OR52I2: variants seen among roughly 807,000 people sequenced by gnomAD.
The protein encoded by OR52I2 is olfactory receptor 52I2.
For synonymous variants in OR52I2, 147 were observed against 151.9 expected (o/e 0.97, Z 0.24); for missense variants, 350 against 402.4 (o/e 0.87, Z 1.11).
intron 1 of OR52I2, among the ~76,000 whole-genome samples, chr11:4,582,248 A>C (rs1365533166): frequency 6.6e-6 from 1 of 152,100 alleles, no homozygotes; most frequent in East Asian, 1.9e-4. Context: ...CAGGGTTGTC[A>C]TAAAGGGAAA....
rs185616106 is a variant in OR52I2 at position 4,584,884 on chromosome 11, A to T, written c.-19-1988A>T. ...AGTGGTCTTCAAGTCACACACACCC[A>T]TTTAAGGATGCTACTTGCAGCAATC... On this transcript the variant is annotated intron_variant, in intron 1 of 1. Transcript: ENST00000641896. Among the ~76,000 whole-genome samples, 575 of 152,292 alleles carry T rather than the reference A, an allele frequency of 3.8e-3. 3 individuals are homozygous for T. Among genetic ancestry groups the T allele is most frequent in the African/African-American group, 0.013 (543 of 41,550 alleles).
At chr11:4,587,852 A>T (rs150568011) in exon 2 of OR52I2, 1 of 1,613,380 alleles carries the variant, frequency 6.2e-7, no homozygotes, top group African/African-American at 1.3e-5. Context: ...GACCATTCCA[A>T]CCTGGGTTCA....
chr11:4,584,836 T>G (rs1589842763), intron 1 of OR52I2, among the ~76,000 whole-genome samples: 1 of 152,326 alleles, frequency 6.6e-6, no homozygotes, highest in Middle Eastern at 3.4e-3. Context: ...CAATGTGGGT[T>G]GAGTGGCTTT....
At chr11:4,583,305 G>A (rs1846274214) in intron 1 of OR52I2, among the ~76,000 whole-genome samples, 1 of 152,096 alleles carries the variant, frequency 6.6e-6, no homozygotes. Flanking sequence ...AGGCATGAAA[G>A]GTATGCCCAG....
At chr11:4,585,536 C>T (rs997688684) in intron 1 of OR52I2, among the ~76,000 whole-genome samples, 1 of 151,740 alleles carries the variant, frequency 6.6e-6, no homozygotes, top group African/African-American at 2.4e-5. Flanking sequence ...AGATTATTCA[C>T]ATTATATGAT....
exon 2 of OR52I2, chr11:4,592,121 TCAGG>T (rs1846354486): frequency 1.3e-5 from 2 of 152,176 alleles, no homozygotes; most frequent in African/African-American, 4.8e-5. Flanking sequence ...AAGTATAGAA[TCAGG>T]CAGGGAAAAC....
chr11:4,592,993 T>A (rs1846363933), exon 2 of OR52I2: 3 of 152,232 alleles, frequency 2.0e-5, no homozygotes, highest in African/African-American at 7.2e-5. Context: ...TACTACATGA[T>A]CTTGGCTAGA....
exon 2 of OR52I2, chr11:4,590,126 C>G (rs1272638575): frequency 6.6e-6 from 1 of 152,178 alleles, no homozygotes; most frequent in Non-Finnish European, 1.5e-5. Context: ...ATCTTAACCT[C>G]AGTAGTGCCT....
intron 1 of OR52I2, among the ~76,000 whole-genome samples, chr11:4,584,600 G>A (rs766511445): frequency 1.3e-5 from 2 of 152,138 alleles, no homozygotes; most frequent in Non-Finnish European, 1.5e-5. Context: ...TATTAAAGAT[G>A]GGTTGTAGGC....
At chr11:4,586,987 A>G in exon 2 of OR52I2, 4 of 1,614,148 alleles carry the variant, frequency 2.5e-6, no homozygotes, top group Non-Finnish European at 3.4e-6. Context: ...TTGGCTGGCT[A>G]TCTCACTGAG....
intron 1 of OR52I2, among the ~76,000 whole-genome samples, chr11:4,586,136 A>G (rs1043196768): frequency 6.6e-6 from 1 of 152,216 alleles, no homozygotes; most frequent in African/African-American, 2.4e-5. Flanking sequence ...GGCAAAGTTT[A>G]GAGAAGGTAA....
At chr11:4,585,348 G>A (rs1035778606) in intron 1 of OR52I2, among the ~76,000 whole-genome samples, 2 of 152,194 alleles carry the variant, frequency 1.3e-5, no homozygotes, top group African/African-American at 2.4e-5. Context: ...GTTACCACCA[G>A]AAGAGGCAGC....
chr11:4,582,716 G>A (rs1846268141), intron 1 of OR52I2, among the ~76,000 whole-genome samples: 1 of 151,990 alleles, frequency 6.6e-6, no homozygotes, highest in South Asian at 2.1e-4. Flanking sequence ...ATTACAGGCT[G>A]AGCCACCATG....
chr11:4,591,724 T>C lies in OR52I2; in HGVS notation c.*3859T>C, dbSNP rs576988986. 8 of 152,316 alleles carry C rather than the reference T, an allele frequency of 5.3e-5. 1 individual carries two copies. The highest frequency in any genetic ancestry group is 1.7e-4 in the African/African-American group (7 of 41,574). The allele number at this position is 152,316 out of a possible 1,614,324, so 9.4% of individuals were successfully genotyped here. A position where few individuals can be genotyped will look rare whatever the true frequency, so the allele number is the denominator to read the frequency against. On this transcript the variant is annotated 3_prime_UTR_variant, in exon 2 of 2. Transcript: ENST00000641896. Reference sequence around the variant, plus strand: ...ATTTTTCATACCCACCTCCACTCTATCCTTAATCTGAATTCAGTTTGGCAA... The same window carrying C: ...ATTTTTCATACCCACCTCCACTCTACCCTTAATCTGAATTCAGTTTGGCAA...
At chr11:4,591,882 A>T (rs1024732331) in exon 2 of OR52I2, 1 of 152,186 alleles carries the variant, frequency 6.6e-6, no homozygotes, top group African/African-American at 2.4e-5. Flanking sequence ...CAAACAAAAA[A>T]TCCTAAACTT....
At position 4,585,989 on chromosome 11, in the gene OR52I2, G is replaced by A. The variant is rs1175477835; in HGVS notation, c.-19-883G>A. On this transcript the variant is annotated intron_variant, in intron 1 of 1. Transcript: ENST00000641896. ...CTTCCTTGTTGCCTGGAATGTCTTG[G>A]TAGTTTATCATGAAAAAATAGCTGC... Among the ~76,000 whole-genome samples the A allele has an allele frequency of 2.6e-5, 4 of 152,272 alleles. No homozygotes were observed. The East Asian group carries it at 7.7e-4, about 29-fold the overall frequency.
exon 2 of OR52I2, chr11:4,590,895 T>C (rs1158703362): frequency 6.6e-6 from 1 of 152,218 alleles, no homozygotes; most frequent in Non-Finnish European, 1.5e-5. Flanking sequence ...TGGATATCAC[T>C]AATTTATTCA....
At chr11:4,587,399 T>C (rs1417893046) in exon 2 of OR52I2, 2 of 1,613,994 alleles carry the variant, frequency 1.2e-6, no homozygotes, top group Non-Finnish European at 1.7e-6. Context: ...GTGAGTCATC[T>C]ACCTTTCTGT....
intron 1 of OR52I2, among the ~76,000 whole-genome samples, chr11:4,584,452 C>T (rs57567960): frequency 3.3e-5 from 5 of 152,042 alleles, no homozygotes; most frequent in Non-Finnish European, 5.9e-5. Context: ...GATCTAATGG[C>T]AATAGGAAAA....
Sources: allele counts gnomAD v4.1 joint callset (sites outside exome capture counted in the v4.1 genomes callset), GRCh38; gene constraint gnomAD v4.1.1; transcripts MANE v1.5; gene names NCBI Gene and HGNC (gene_info 2026-07-23, HGNC 2026-07-21).